TBC1D15: variants seen among roughly 807,000 people sequenced by gnomAD.
TBC1D15 encodes TBC1 domain family member 15, also known as GAP for RAB7.
TBC1D15 carries 39 observed loss-of-function variants against 95.4 expected under a neutral mutation model. The observed-to-expected ratio is 0.41, with a 90% CI of 0.32 to 0.53. The LOEUF is 0.53. Among genes scored for constraint, TBC1D15 ranks in the 20% least tolerant of loss-of-function variants. The probability of loss-of-function intolerance (pLI) is 0.29; values close to 1 mark genes in which losing one functional copy is unlikely to be tolerated. For synonymous variants in TBC1D15, 258 were observed against 261.3 expected, an observed-to-expected ratio of 0.99 and a Z score of 0.12; for missense variants, 733 against 794.3, an observed-to-expected ratio of 0.92 and a Z score of 0.93.
At chr12:71,852,801 G>C (rs964172850) in intron 1 of TBC1D15, among the ~76,000 whole-genome samples, 1 of 152,130 alleles carries the variant, frequency 6.6e-6, no homozygotes, top group Non-Finnish European at 1.5e-5. Flanking sequence ...GACCTCCTCA[G>C]CCTGGCCTTC....
chr12:71,891,163 A>G (rs754318457), intron 5 of TBC1D15, among the ~76,000 whole-genome samples: 1 of 152,138 alleles, frequency 6.6e-6, no homozygotes, highest in African/African-American at 2.4e-5. Context: ...GTCATTCTCA[A>G]TAGAAATATA....
At chr12:71,843,853 C>T (rs1885669033) in intron 1 of TBC1D15, among the ~76,000 whole-genome samples, 1 of 152,116 alleles carries the variant, frequency 6.6e-6, no homozygotes, top group African/African-American at 2.4e-5. Flanking sequence ...GAGAGTTGTA[C>T]CATTCTCTAT....
rs1447282581 is a variant in TBC1D15, at chr12:71,868,269, G to A, written c.31-3801G>A. 1.1e-4 allele frequency among the ~76,000 whole-genome samples: 16 copies of A among 146,590 alleles called. No individual in the cohort carries two copies. The Middle Eastern group carries it at 0.014, about 128-fold the overall frequency. ...TTTTTTTTTTTTTTTTTCTCGAGAC[G>A]GAGTCTCGCTCTGTCTCCCAGGCTT... On this transcript the variant is annotated intron_variant, in intron 1 of 16. Transcript: ENST00000485960.
At chr12:71,911,440 G>T (rs1902283423) in intron 11 of TBC1D15, among the ~76,000 whole-genome samples, 1 of 150,248 alleles carries the variant, frequency 6.7e-6, no homozygotes, top group African/African-American at 2.4e-5. Context: ...ATACTATGCA[G>T]CCATAAAAAA....
chr12:71,854,716 C>A (rs907139144), intron 1 of TBC1D15: 2 of 453,686 alleles, frequency 4.4e-6, no homozygotes, highest in Non-Finnish European at 8.8e-6. Context: ...TTTTTTCTTC[C>A]TTCTCATTGA....
At chr12:71,884,501 TG>T (rs1314896935) in intron 4 of TBC1D15, among the ~76,000 whole-genome samples, 1 of 152,184 alleles carries the variant, frequency 6.6e-6, no homozygotes, top group Non-Finnish European at 1.5e-5. Context: ...GTTAGTAAGA[TG>T]GTAGTGCTGC....
chr12:71,887,223 C>G (rs951430847), intron 5 of TBC1D15, among the ~76,000 whole-genome samples: 8 of 152,098 alleles, frequency 5.3e-5, no homozygotes, highest in African/African-American at 1.9e-4. Context: ...GATCAACTAT[C>G]AAGTTGATCA....
intron 1 of TBC1D15, among the ~76,000 whole-genome samples, chr12:71,868,122 T>G (rs1267959720): frequency 6.6e-6 from 1 of 152,210 alleles, no homozygotes; most frequent in Non-Finnish European, 1.5e-5. Context: ...AAACATGACT[T>G]CTTTCTGAAG....
At chr12:71,889,621 C>T (rs112129926) in intron 5 of TBC1D15, among the ~76,000 whole-genome samples, 85 of 152,300 alleles carry the variant, frequency 5.6e-4, no homozygotes, top group African/African-American at 2.0e-3. Context: ...CCATCCCCCA[C>T]TGTCAGATTC....
chr12:71,856,158 A>C (rs1393674031), intron 1 of TBC1D15, among the ~76,000 whole-genome samples: 1 of 152,168 alleles, frequency 6.6e-6, no homozygotes, highest in Non-Finnish European at 1.5e-5. Context: ...TGAAAACGTC[A>C]TTTATATCCC....
intron 5 of TBC1D15, among the ~76,000 whole-genome samples, chr12:71,886,666 G>A (rs557738047): frequency 1.3e-5 from 2 of 152,318 alleles, no homozygotes; most frequent in South Asian, 4.1e-4. Flanking sequence ...CAACAGGCAA[G>A]CTGTTCAGTG....
chr12:71,848,902 A>C (rs1426145258), intron 1 of TBC1D15, among the ~76,000 whole-genome samples: 1 of 152,142 alleles, frequency 6.6e-6, no homozygotes, highest in Non-Finnish European at 1.5e-5. Flanking sequence ...GTTATGTATA[A>C]ATTAAATAAA....
In TBC1D15 at chr12:71,874,563, CT is replaced by C. The variant is rs111894347; in HGVS notation, c.204+1562del. Among the ~76,000 whole-genome samples, 922 of 150,934 alleles carry C rather than the reference CT, an allele frequency of 6.1e-3. 5 individuals carry two copies. Among genetic ancestry groups the C allele is most frequent in the African/African-American group, 0.022 (887 of 41,074 alleles). ...CATGGCTATGGAGGGCCAACTGTAT[CT>C]TCTTTGGAGAAATGCCTGTTCTAAA... On this transcript the variant is annotated intron_variant, in intron 3 of 16. Coordinates refer to ENST00000485960, the MANE Select transcript of TBC1D15 (RefSeq NM_001146213.3).
intron 1 of TBC1D15, among the ~76,000 whole-genome samples, chr12:71,865,981 G>A (rs1272164211): frequency 6.6e-6 from 1 of 152,066 alleles, no homozygotes; most frequent in African/African-American, 2.4e-5. Context: ...TGGGAACTGG[G>A]GATATGGGAC....
chr12:71,839,923 C>G, intron 1 of TBC1D15, 112 bp downstream of exon 1: 6 of 1,368,842 alleles, frequency 4.4e-6, no homozygotes, highest in Non-Finnish European at 6.2e-6. Context: ...TCCGGACAAC[C>G]CGTGGCGTCT....
chr12:71,889,235 G>T lies in TBC1D15; in HGVS notation c.555-3987G>T, dbSNP rs144147068. 1.4e-4 allele frequency among the ~76,000 whole-genome samples: 21 copies of T among 152,280 alleles called. No homozygotes were observed. In the East Asian group the frequency reaches 1.5e-3, roughly 11 times the overall value. On this transcript the variant is annotated intron_variant, in intron 5 of 16. Coordinates refer to ENST00000485960, the MANE Select transcript of TBC1D15 (RefSeq NM_001146213.3). ...GTTTTTAGTGAACCAGGATGTGGCT[G>T]CTCTTCTTGGGGAAGGAGATAGTGT...
chr12:71,918,764 A>G (rs1457210492), intron 14 of TBC1D15, among the ~76,000 whole-genome samples: 1 of 152,142 alleles, frequency 6.6e-6, no homozygotes, highest in Non-Finnish European at 1.5e-5. Flanking sequence ...TCTCTGTGAG[A>G]TTTGGGGCCA....
Position 71,845,035 on chromosome 12 carries a change from T to C in TBC1D15, c.30+5224T>C, listed in dbSNP as rs895725298. Among the ~76,000 whole-genome samples the C allele has an allele frequency of 2.6e-5, 4 of 152,178 alleles. No homozygotes were observed. The South Asian group carries it at 6.2e-4, about 24-fold the overall frequency. On this transcript the variant is annotated intron_variant, in intron 1 of 16. Transcript: ENST00000485960. ...TGCTTATGTTCTTTTCTGAAGGATT[T>C]AGTAGAAGTTATTTGCAGAGAGAAA...
chr12:71,920,696 T>TA, intron 14 of TBC1D15, 35 bp from the exon 15 acceptor site: 1 of 1,471,224 alleles, frequency 6.8e-7, no homozygotes, highest in South Asian at 1.1e-5. Context: ...TTAGAATTGA[T>TA]ACAATTTGCA....
Sources: allele counts gnomAD v4.1 joint callset (sites outside exome capture counted in the v4.1 genomes callset), GRCh38; gene constraint gnomAD v4.1.1; transcripts MANE v1.5; gene names NCBI Gene and HGNC (gene_info 2026-07-23, HGNC 2026-07-21).